Variants in RGS7 observed in about 807,000 individuals in gnomAD.
The protein encoded by RGS7 is regulator of G-protein signaling 7.
A neutral mutation model predicts 81.1 loss-of-function variants in RGS7; 27 were observed. The ratio of observed to expected loss-of-function variants is 0.33; its 90% confidence interval spans 0.25 to 0.46. RGS7 has a LOEUF of 0.46. Among genes scored for constraint, RGS7 ranks in the 20% least tolerant of loss-of-function variants. The probability of loss-of-function intolerance (pLI) is 1.00; values close to 1 mark genes in which losing one functional copy is unlikely to be tolerated. For missense variants in RGS7, 396 were observed against 607.4 expected, an observed-to-expected ratio of 0.65 and a Z score of 3.66; for synonymous variants, 208 against 207.7, an observed-to-expected ratio of 1.00 and a Z score of -0.01.
At chr1:240,865,591 G>A (rs988730286) in intron 9 of RGS7, among the ~76,000 whole-genome samples, 10 of 152,150 alleles carry the variant, frequency 6.6e-5, no homozygotes, top group Non-Finnish European at 1.5e-4. Context: ...GCCACAGTCA[G>A]GACAGACTAT....
At chr1:240,959,104 TATA>T (rs1680925726) in intron 4 of RGS7, among the ~76,000 whole-genome samples, 1 of 152,380 alleles carries the variant, frequency 6.6e-6, no homozygotes, top group South Asian at 2.1e-4. Context: ...CTTTGATACT[TATA>T]ATAAATGCTC....
At chr1:241,065,949 A>C (rs903946607) in intron 3 of RGS7, among the ~76,000 whole-genome samples, 1 of 152,224 alleles carries the variant, frequency 6.6e-6, no homozygotes, top group Non-Finnish European at 1.5e-5. Context: ...GCACTATAGC[A>C]ATGTTATTTA....
intron 1 of RGS7, 112 bp downstream of exon 1, chr1:241,356,787 C>CA (rs937098410): frequency 2.0e-5 from 3 of 149,410 alleles, no homozygotes; most frequent in Non-Finnish European, 3.0e-5. Context: ...CGGGGGCGGC[C>CA]GCCCTGCGCC....
chr1:241,205,076 A>ATTTTT (rs10649310), intron 2 of RGS7, among the ~76,000 whole-genome samples: 1 of 126,028 alleles, frequency 7.9e-6, no homozygotes. Context: ...TTCATTTGTG[A>ATTTTT]TTTTTTTTTT....
intron 3 of RGS7, among the ~76,000 whole-genome samples, chr1:240,986,959 T>C (rs1685761367): frequency 6.6e-6 from 1 of 152,260 alleles, no homozygotes. Context: ...GCCACGGATC[T>C]GAACGGCAAA....
intron 3 of RGS7, among the ~76,000 whole-genome samples, chr1:240,995,759 A>C (rs1237740415): frequency 6.7e-6 from 1 of 149,700 alleles, no homozygotes; most frequent in Non-Finnish European, 1.5e-5. Flanking sequence ...AATTTTTATA[A>C]AGAACCAGCT....
At chr1:241,010,990 AT>A (rs994690837) in intron 3 of RGS7, among the ~76,000 whole-genome samples, 4 of 152,112 alleles carry the variant, frequency 2.6e-5, no homozygotes, top group African/African-American at 4.8e-5. Context: ...CAACACACAG[AT>A]TTTTTTGGAC....
chr1:240,803,825 A>G (rs1688396412), intron 15 of RGS7, among the ~76,000 whole-genome samples: 1 of 149,148 alleles, frequency 6.7e-6, no homozygotes. Flanking sequence ...ACTATTGGAG[A>G]GCATTCTGAA....
intron 2 of RGS7, among the ~76,000 whole-genome samples, chr1:241,170,635 C>A (rs2070664477): frequency 6.6e-6 from 1 of 152,122 alleles, no homozygotes; most frequent in South Asian, 2.1e-4. Flanking sequence ...GGCAGACTGG[C>A]AGAGCAATGA....
At chr1:241,230,464 T>C (rs1044636661) in intron 2 of RGS7, among the ~76,000 whole-genome samples, 1 of 152,196 alleles carries the variant, frequency 6.6e-6, no homozygotes, top group African/African-American at 2.4e-5. Context: ...TCTGCCCACC[T>C]TAGCCTCCCA....
At chr1:240,984,084 A>G (rs1685308578) in intron 3 of RGS7, among the ~76,000 whole-genome samples, 1 of 152,204 alleles carries the variant, frequency 6.6e-6, no homozygotes, top group South Asian at 2.1e-4. Flanking sequence ...CACTGTCTAT[A>G]TGTAAGTGCT....
At chr1:241,273,771 T>C (rs1476124706) in intron 2 of RGS7, among the ~76,000 whole-genome samples, 1 of 152,188 alleles carries the variant, frequency 6.6e-6, no homozygotes, top group Non-Finnish European at 1.5e-5. Flanking sequence ...TCAGCAGCCC[T>C]CTGCCTTGTC....
In RGS7 at chr1:240,826,197, G is replaced by A. The variant is rs563555817; in HGVS notation, c.684+901C>T. ...GCAGAAGCATTTGAGCACCGCATCC[G>A]AATTGGTTTTGTGGTGCTTTGCTTC... is the stretch of plus-strand genomic sequence containing the variant. On this transcript the variant is annotated intron_variant, in intron 10 of 18. Transcript: ENST00000440928. 4.2e-4 allele frequency among the ~76,000 whole-genome samples: 64 copies of A among 152,270 alleles called. No individual in the cohort carries two copies. In the South Asian group the frequency reaches 6.0e-3, roughly 14 times the overall value.
At chr1:240,839,933 T>C (rs1266867478) in intron 9 of RGS7, among the ~76,000 whole-genome samples, 1 of 152,078 alleles carries the variant, frequency 6.6e-6, no homozygotes, top group Non-Finnish European at 1.5e-5. Flanking sequence ...AGCCCTCTTT[T>C]CCCCTTACTT....
intron 9 of RGS7, among the ~76,000 whole-genome samples, chr1:240,863,148 T>G (rs1294639544): frequency 6.6e-6 from 1 of 152,192 alleles, no homozygotes; most frequent in Non-Finnish European, 1.5e-5. Flanking sequence ...AATCTCACTA[T>G]GTCGCCCAGG....
At chr1:240,955,894 T>G (rs1680328968) in intron 4 of RGS7, among the ~76,000 whole-genome samples, 1 of 151,280 alleles carries the variant, frequency 6.6e-6, no homozygotes, top group South Asian at 2.1e-4. Context: ...ATTATAGACC[T>G]AAATGCAAAA....
intron 2 of RGS7, among the ~76,000 whole-genome samples, chr1:241,237,893 C>G (rs1176582249): frequency 6.6e-6 from 1 of 152,202 alleles, no homozygotes; most frequent in African/African-American, 2.4e-5. Context: ...TTGGGTTCCT[C>G]TGAGAATTCC....
At chr1:240,908,365 A>T (rs1056894761) in intron 6 of RGS7, among the ~76,000 whole-genome samples, 8 of 152,148 alleles carry the variant, frequency 5.3e-5, no homozygotes, top group East Asian at 3.9e-4. Context: ...AAATTAAATT[A>T]AAAAAAGAAA....
intron 2 of RGS7, among the ~76,000 whole-genome samples, chr1:241,139,818 A>C (rs2103078281): frequency 6.6e-6 from 1 of 152,376 alleles, no homozygotes; most frequent in South Asian, 2.1e-4. Context: ...AAATACATTC[A>C]TTTGACTATT....
Sources: gnomAD v4.1 joint callset for allele counts (sites outside exome capture counted in the v4.1 genomes callset) on GRCh38, gnomAD v4.1.1 for gene constraint, MANE v1.5 for transcripts, NCBI Gene and HGNC (gene_info 2026-07-23, HGNC 2026-07-21) for gene names.